EIF4B: variants seen among roughly 807,000 people sequenced by gnomAD.
EIF4B encodes eukaryotic translation initiation factor 4B.
In EIF4B, 8 loss-of-function variants were observed where a neutral mutation model predicts 79.3. The observed-to-expected ratio is 0.10, with a 90% CI of 0.06 to 0.18. The LOEUF is 0.18. EIF4B is among the 10% of genes least tolerant of loss of function. The pLI, the probability that EIF4B is intolerant of heterozygous loss-of-function variation, is 1.00. For missense variants in EIF4B, 515 were observed against 792.4 expected, an observed-to-expected ratio of 0.65 and a Z score of 4.20; for synonymous variants, 238 against 274.7, an observed-to-expected ratio of 0.87 and a Z score of 1.32.
At chr12:53,025,127 T>C (rs1943312932) in intron 6 of EIF4B, 2 of 432,358 alleles carry the variant, frequency 4.6e-6, no homozygotes. Context: ...CAAGTTTATA[T>C]CTGACTTTTT....
At chr12:53,023,577 A>ATT (rs1943285046) in intron 6 of EIF4B, among the ~76,000 whole-genome samples, 4 of 125,400 alleles carry the variant, frequency 3.2e-5, no homozygotes, top group East Asian at 6.9e-4. Flanking sequence ...TAAAATGTAA[A>ATT]ATTTTTTTTT....
chr12:53,030,436 T>TTTTTTTTTTTTTC (rs1943419023), intron 8 of EIF4B, among the ~76,000 whole-genome samples: 1 of 126,116 alleles, frequency 7.9e-6, no homozygotes, highest in Non-Finnish European at 1.6e-5. Context: ...TTTTTTTTTT[T>TTTTTTTTTTTTTC]TTGAGACGGA....
At chr12:53,009,229 T>C (rs919078915) in intron 1 of EIF4B, among the ~76,000 whole-genome samples, 1 of 151,992 alleles carries the variant, frequency 6.6e-6, no homozygotes, top group African/African-American at 2.4e-5. Flanking sequence ...ACATTTAAAA[T>C]GCTTTCAAAT....
chr12:53,016,896 A>G (rs1017740301), intron 2 of EIF4B, among the ~76,000 whole-genome samples: 1 of 152,208 alleles, frequency 6.6e-6, no homozygotes, highest in African/African-American at 2.4e-5. Context: ...TCATTTTAAA[A>G]GTAAGAACTA....
At chr12:53,026,235 G>A (rs1943332069) in intron 6 of EIF4B, among the ~76,000 whole-genome samples, 1 of 151,866 alleles carries the variant, frequency 6.6e-6, no homozygotes, top group South Asian at 2.1e-4. Context: ...TAAAATCTGG[G>A]TTGCCAGCTT....
At chr12:53,032,341 C>T (rs1943460883) in intron 8 of EIF4B, among the ~76,000 whole-genome samples, 1 of 152,124 alleles carries the variant, frequency 6.6e-6, no homozygotes, top group Non-Finnish European at 1.5e-5. Flanking sequence ...ACTGAGGAAG[C>T]TGAGGCAGGA....
intron 2 of EIF4B, 55 bp downstream of exon 2, chr12:53,016,665 C>G: frequency 6.6e-7 from 1 of 1,516,032 alleles, no homozygotes; most frequent in Non-Finnish European, 8.8e-7. Flanking sequence ...TAGACAAAAC[C>G]TATTACATAA....
chr12:53,019,036 G>C, intron 3 of EIF4B, 30 bp downstream of exon 3: 2 of 1,602,876 alleles, frequency 1.2e-6, no homozygotes, highest in Non-Finnish European at 1.7e-6. Flanking sequence ...TAATTAACTA[G>C]ATATTGAGGA....
In EIF4B at chr12:53,030,413, C is replaced by CTTTTTTTTTTTTTTTTTTT. The variant is rs759061266; in HGVS notation, c.979+2232_979+2250dup. Reference sequence around the variant, plus strand: ...GAAATAGGTTTTAAAAAATTATATTCTTTTTTTTTTTTTTTTTTTTTTTTT... The same window carrying CTTTTTTTTTTTTTTTTTTT: ...GAAATAGGTTTTAAAAAATTATATTCTTTTTTTTTTTTTTTTTTTTTTTTTTTTTTTTTTTTTTTTTTTT... On this transcript the variant is annotated intron_variant, in intron 8 of 14. Coordinates refer to ENST00000262056, the MANE Select transcript of EIF4B (RefSeq NM_001417.7). 6.9e-3 allele frequency among the ~76,000 whole-genome samples: 298 copies of CTTTTTTTTTTTTTTTTTTT among 43,056 alleles called. 97 individuals are homozygous for CTTTTTTTTTTTTTTTTTTT. The highest frequency in any genetic ancestry group is 0.013 in the Non-Finnish European group (220 of 16,846). The allele number at this position is 43,056 out of a possible 152,430, so 28.2% of individuals were successfully genotyped here.
chr12:53,022,679 A>T, intron 6 of EIF4B, 52 bp downstream of exon 6: 1 of 1,583,614 alleles, frequency 6.3e-7, no homozygotes, highest in South Asian at 1.1e-5. Context: ...GAGGCTATTT[A>T]GTAATAGGAC....
intron 1 of EIF4B, chr12:53,013,633 A>G (rs1943101008): frequency 6.6e-6 from 1 of 152,090 alleles, no homozygotes; most frequent in Non-Finnish European, 1.5e-5. Context: ...CTAAAAATAC[A>G]AAAATTAGCC....
intron 6 of EIF4B, among the ~76,000 whole-genome samples, chr12:53,025,556 C>T (rs1259371077): frequency 6.6e-6 from 1 of 152,128 alleles, no homozygotes; most frequent in Non-Finnish European, 1.5e-5. Flanking sequence ...GAAACACAAG[C>T]TTATCATAAT....
chr12:53,031,344 A>G (rs939180625), intron 8 of EIF4B, among the ~76,000 whole-genome samples: 3 of 152,160 alleles, frequency 2.0e-5, no homozygotes, highest in African/African-American at 4.8e-5. Context: ...TGACATAATC[A>G]TGGTTAACTG....
chr12:53,009,408 C>T (rs1016220376), intron 1 of EIF4B, among the ~76,000 whole-genome samples: 2 of 151,960 alleles, frequency 1.3e-5, no homozygotes, highest in South Asian at 2.1e-4. Context: ...TGGTGGCTCA[C>T]GCCTGTAATC....
chr12:53,030,365 C>T (rs1323056126), intron 8 of EIF4B, among the ~76,000 whole-genome samples: 1 of 144,912 alleles, frequency 6.9e-6, no homozygotes, highest in South Asian at 2.2e-4. Context: ...TAGTGAGACC[C>T]CATCTAAAAA....
intron 1 of EIF4B, among the ~76,000 whole-genome samples, chr12:53,007,832 C>G (rs2120873067): frequency 6.6e-6 from 1 of 152,270 alleles, no homozygotes; most frequent in South Asian, 2.1e-4. Flanking sequence ...GACAGTTGAC[C>G]AAGCACTTTT....
At chr12:53,034,578 G>T in intron 9 of EIF4B, 34 bp from the exon 10 acceptor site, 1 of 1,612,434 alleles carries the variant, frequency 6.2e-7, no homozygotes, top group Non-Finnish European at 8.5e-7. Context: ...CACTGAGCCA[G>T]GCATAATGTG....
intron 6 of EIF4B, among the ~76,000 whole-genome samples, chr12:53,026,890 T>C (rs576826121): frequency 2.0e-5 from 3 of 152,270 alleles, no homozygotes; most frequent in East Asian, 1.9e-4. Flanking sequence ...TTTAAAATTA[T>C]GATCAGCAGT....
chr12:53,042,087 T>C lies in EIF4B; in HGVS notation c.*1864T>C, dbSNP rs1442297675. The C allele has an allele frequency of 6.6e-6, 1 of 152,618 alleles. No homozygotes were observed. Among genetic ancestry groups the C allele is most frequent in the Non-Finnish European group, 1.5e-5 (1 of 68,044 alleles). The allele number at this position is 152,618 out of a possible 1,614,324, so 9.5% of individuals were successfully genotyped here. A position where few individuals can be genotyped will look rare whatever the true frequency, so the allele number is the denominator to read the frequency against. ...TACATGTAAAATTTGTACAAAAATA[T>C]CTTCTATGAAAATGATTTGTAATCT... is the stretch of plus-strand genomic sequence containing the variant. On this transcript the variant is annotated 3_prime_UTR_variant, in exon 15 of 15. Transcript: ENST00000262056.
Sources: gnomAD v4.1 joint callset for allele counts (sites outside exome capture counted in the v4.1 genomes callset) on GRCh38, gnomAD v4.1.1 for gene constraint, MANE v1.5 for transcripts, NCBI Gene and HGNC (gene_info 2026-07-23, HGNC 2026-07-21) for gene names.